EYS: variants seen among roughly 807,000 people sequenced by gnomAD.
EYS encodes the protein EGF-like photoreceptor maintenance factor, also known as protein eyes shut homolog.
A neutral mutation model predicts 282.1 loss-of-function variants in EYS; 250 were observed. That is an observed-to-expected ratio of 0.89 (90% confidence interval 0.80 to 0.98). EYS has a LOEUF of 0.98. Among genes scored for constraint, EYS ranks in the 50% least tolerant of loss-of-function variants. EYS has a pLI of 0.00. For synonymous variants in EYS, 1,355 were observed against 1,282.9 expected (o/e 1.06, Z -1.20); for missense variants, 4,016 against 3,709.0 (o/e 1.08, Z -2.15).
intron 35 of EYS, among the ~76,000 whole-genome samples, chr6:63,940,586 G>A (rs1279321000): frequency 6.6e-6 from 1 of 152,082 alleles, no homozygotes; most frequent in African/African-American, 2.4e-5. Context: ...AAAACATCAG[G>A]ATAACAGGAG....
intron 35 of EYS, among the ~76,000 whole-genome samples, chr6:63,954,880 C>A (rs1377472617): frequency 6.6e-6 from 1 of 152,168 alleles, no homozygotes; most frequent in Non-Finnish European, 1.5e-5. Context: ...TAGAACCTCT[C>A]ATTTCCTTTC....
rs564304844 is a variant in EYS, at chr6:65,260,791, C to A, written c.2023+35072G>T. On this transcript the variant is annotated intron_variant, in intron 12 of 42. Transcript: ENST00000503581. ...ATGGGTAAAAAAGCACAAAAAAACA[C>A]GAGGACAAAAATAATAAAAGAGAAA... is the stretch of plus-strand genomic sequence containing the variant. Among the ~76,000 whole-genome samples the A allele has an allele frequency of 2.0e-5, 3 of 151,782 alleles. 1 individual carries two copies. Among genetic ancestry groups the A allele is most frequent in the African/African-American group, 7.2e-5 (3 of 41,420 alleles).
intron 41 of EYS, among the ~76,000 whole-genome samples, chr6:63,729,353 A>G (rs1274741782): frequency 1.3e-5 from 2 of 151,758 alleles, no homozygotes; most frequent in African/African-American, 2.4e-5. Context: ...TTTTTCTTTC[A>G]TGGATTCTGC....
At chr6:65,252,257 C>T (rs1286369364) in intron 12 of EYS, among the ~76,000 whole-genome samples, 1 of 151,810 alleles carries the variant, frequency 6.6e-6, no homozygotes, top group East Asian at 1.9e-4. Flanking sequence ...CTAAATCACC[C>T]CTGTGTTGCA....
At chr6:65,502,657 A>G (rs534830335) in intron 2 of EYS, among the ~76,000 whole-genome samples, 17 of 151,666 alleles carry the variant, frequency 1.1e-4, no homozygotes, top group Admixed American at 7.9e-4. Flanking sequence ...CATTACATAT[A>G]GTAGTCATAT....
At chr6:65,569,910 C>A (rs765537205) in intron 2 of EYS, among the ~76,000 whole-genome samples, 5 of 152,040 alleles carry the variant, frequency 3.3e-5, no homozygotes, top group Non-Finnish European at 7.4e-5. Context: ...TATTTTAATT[C>A]TTTTATCTTG....
At chr6:64,124,252 A>G (rs1025732600) in intron 31 of EYS, among the ~76,000 whole-genome samples, 3 of 152,162 alleles carry the variant, frequency 2.0e-5, no homozygotes, top group Non-Finnish European at 2.9e-5. Flanking sequence ...AGTACAAGAA[A>G]CATACTGATA....
intron 16 of EYS, among the ~76,000 whole-genome samples, chr6:64,908,653 G>A (rs1481146692): frequency 6.6e-6 from 1 of 152,068 alleles, no homozygotes; most frequent in East Asian, 1.9e-4. Context: ...AGGAAGGACA[G>A]GTCGTCTTCC....
chr6:64,447,475 C>A (rs759621758), intron 26 of EYS, among the ~76,000 whole-genome samples: 13 of 150,438 alleles, frequency 8.6e-5, no homozygotes, highest in Admixed American at 2.0e-4. Context: ...TTTTTCCTGG[C>A]AATGTAAAGA....
chr6:63,991,132 AG>A lies in EYS; in HGVS notation c.6835-6530del, dbSNP rs1335817927. 2.0e-5 allele frequency among the ~76,000 whole-genome samples: 3 copies of A among 151,726 alleles called. No homozygotes were observed. In the East Asian group the frequency reaches 5.8e-4, roughly 29 times the overall value. ...GAGCAAGAGATTATGAGCTCCTGAA[AG>A]AAGAAACTGGAAAATCACTTTAATT... On this transcript the variant is annotated intron_variant, in intron 34 of 42. Transcript: ENST00000503581.
intron 18 of EYS, among the ~76,000 whole-genome samples, chr6:64,892,649 G>A (rs1159816088): frequency 6.6e-6 from 1 of 151,834 alleles, no homozygotes; most frequent in Non-Finnish European, 1.5e-5. Flanking sequence ...TTTGCAACAT[G>A]TCTTTATTAT....
chr6:64,277,638 C>G (rs542724453), intron 30 of EYS, among the ~76,000 whole-genome samples: 1 of 151,980 alleles, frequency 6.6e-6, no homozygotes. Flanking sequence ...TCAAGGAGAA[C>G]GAGTTGCAAA....
chr6:64,458,379 G>T (rs1288522335), intron 26 of EYS, among the ~76,000 whole-genome samples: 1 of 147,376 alleles, frequency 6.8e-6, no homozygotes, highest in Non-Finnish European at 1.5e-5. Flanking sequence ...AACTCCCTTG[G>T]GCTTTGTGTG....
chr6:64,981,860 GA>G (rs2150117072), intron 14 of EYS, among the ~76,000 whole-genome samples: 1 of 151,432 alleles, frequency 6.6e-6, no homozygotes, highest in Non-Finnish European at 1.5e-5. Flanking sequence ...TGACAATATG[GA>G]AAACAGAGTT....
At chr6:65,136,046 A>T (rs892251675) in intron 12 of EYS, among the ~76,000 whole-genome samples, 2 of 152,102 alleles carry the variant, frequency 1.3e-5, no homozygotes, top group Non-Finnish European at 2.9e-5. Context: ...ATTCTAAATG[A>T]TTCATTCATC....
At chr6:65,025,426 A>G (rs1772378980) in intron 13 of EYS, among the ~76,000 whole-genome samples, 1 of 152,254 alleles carries the variant, frequency 6.6e-6, no homozygotes. Flanking sequence ...CCTTTGAGAT[A>G]TGCTAAATGT....
At chr6:65,254,303 G>C (rs1045710323) in intron 12 of EYS, among the ~76,000 whole-genome samples, 12 of 151,716 alleles carry the variant, frequency 7.9e-5, no homozygotes, top group Non-Finnish European at 1.3e-4. Flanking sequence ...GGATAAAACA[G>C]GTATGGTTAA....
At chr6:63,984,687 G>T in intron 34 of EYS, 84 bp from the exon 35 acceptor site, 1 of 1,098,260 alleles carries the variant, frequency 9.1e-7, no homozygotes, top group South Asian at 1.4e-5. Flanking sequence ...TTCTGTAATT[G>T]GATGTGTTTT....
At position 64,590,572 on chromosome 6, in the gene EYS, T is replaced by G. The variant is rs1201610128; in HGVS notation, c.5295A>C (p.Thr1765=). 1 of 1,551,254 alleles carries G rather than the reference T, an allele frequency of 6.4e-7. No individual in the cohort carries two copies. The highest frequency in any genetic ancestry group is 2.0e-5 in the Admixed American group (1 of 50,954). ...GATTATTTTTGAAGTCATTTGCATG[T>G]GTAATTTCTGAATATGTCTTTAAAG... The part of the protein sequence containing the change: ...DVTLKTYSEI[T]HANDFKNNLP... Residue 1765 remains threonine (T), a synonymous_variant, in exon 26 of 43, where the codon ACA becomes ACC. Transcript: ENST00000503581.
Sources: gnomAD v4.1 joint callset for allele counts (sites outside exome capture counted in the v4.1 genomes callset) on GRCh38, gnomAD v4.1.1 for gene constraint, MANE v1.5 for transcripts, NCBI Gene and HGNC (gene_info 2026-07-23, HGNC 2026-07-21) for gene names.